LNP1: variants seen among roughly 807,000 people sequenced by gnomAD.
LNP1 encodes leukemia NUP98 fusion partner 1.
In LNP1, 12 loss-of-function variants were observed where a neutral mutation model predicts 14.5. That is an observed-to-expected ratio of 0.83 (90% CI 0.53 to 1.34). The LOEUF is 1.34. LNP1 is among the 40% of genes most tolerant of loss of function. LNP1 has a pLI of 0.00. For synonymous variants in LNP1, 75 were observed against 71.4 expected (o/e 1.05, Z -0.26); for missense variants, 198 against 210.9 (o/e 0.94, Z 0.38).
At chr3:100,450,744 C>CAAAA (rs764798869) in intron 2 of LNP1, among the ~76,000 whole-genome samples, 2 of 152,048 alleles carry the variant, frequency 1.3e-5, no homozygotes, top group African/African-American at 4.8e-5. Flanking sequence ...AGCAGGAAAA[C>CAAAA]AAAACAAAAC....
intron 2 of LNP1, among the ~76,000 whole-genome samples, chr3:100,435,472 C>CA (rs1247732943): frequency 2.0e-5 from 3 of 152,172 alleles, no homozygotes; most frequent in African/African-American, 4.8e-5. Context: ...GTGCTTTGAA[C>CA]AGTGCCTGGT....
At chr3:100,414,149 C>T (rs183655518) in intron 1 of LNP1, among the ~76,000 whole-genome samples, 9 of 152,124 alleles carry the variant, frequency 5.9e-5, no homozygotes, top group Non-Finnish European at 1.3e-4. Flanking sequence ...TTTTGTTGCT[C>T]AGGAATTTGG....
Position 100,446,715 on chromosome 3 carries a change from A to C in LNP1, c.157-5004A>C, listed in dbSNP as rs180721829. ...TAATCTACCCATCTGACAAAGGGCT[A>C]ATACCCAGAATCTACAAGGAACTTA... On this transcript the variant is annotated intron_variant, in intron 2 of 3. Coordinates refer to ENST00000383693, the MANE Select transcript of LNP1 (RefSeq NM_001085451.2). Among the ~76,000 whole-genome samples the C allele has an allele frequency of 1.8e-4, 28 of 152,318 alleles. No individual in the cohort carries two copies. The South Asian group carries it at 1.9e-3, about 10-fold the overall frequency.
chr3:100,421,045 C>T (rs1707139799), intron 1 of LNP1, among the ~76,000 whole-genome samples: 1 of 151,854 alleles, frequency 6.6e-6, no homozygotes. Flanking sequence ...GTGGGATAGT[C>T]ACGGCTCACT....
At chr3:100,418,220 C>T (rs376180146) in intron 1 of LNP1, among the ~76,000 whole-genome samples, 1,809 of 151,252 alleles carry the variant, frequency 0.012, 36 homozygotes, top group African/African-American at 0.042. Flanking sequence ...CCACCACACC[C>T]GGCTAATTTT....
At chr3:100,451,275 T>A (rs1707435611) in intron 2 of LNP1, among the ~76,000 whole-genome samples, 1 of 152,194 alleles carries the variant, frequency 6.6e-6, no homozygotes, top group Non-Finnish European at 1.5e-5. Flanking sequence ...TAGGGAGACA[T>A]GAGACGTCAG....
chr3:100,409,607 T>TATATATA (rs199660524), intron 1 of LNP1, among the ~76,000 whole-genome samples: 4 of 49,802 alleles, frequency 8.0e-5, no homozygotes, highest in African/African-American at 2.7e-4. Flanking sequence ...TATATATATA[T>TATATATA]TTTTTTTTTT....
chr3:100,439,278 A>T (rs1238260373), intron 2 of LNP1, among the ~76,000 whole-genome samples: 1 of 137,908 alleles, frequency 7.3e-6, no homozygotes, highest in African/African-American at 2.9e-5. Flanking sequence ...GAAAAATACT[A>T]AAAAAAAAAA....
At chr3:100,440,924 T>C (rs549872835) in intron 2 of LNP1, among the ~76,000 whole-genome samples, 95 of 152,310 alleles carry the variant, frequency 6.2e-4, no homozygotes, top group African/African-American at 2.0e-3. Context: ...TTCCTGTGAC[T>C]GAAGGATGAT....
chr3:100,410,701 T>C lies in LNP1; in HGVS notation c.-34+8262T>C, dbSNP rs527361375. Among the ~76,000 whole-genome samples the C allele has an allele frequency of 5.9e-5, 9 of 152,278 alleles. No homozygotes were observed. The South Asian group carries it at 1.9e-3, about 32-fold the overall frequency. ...TTTTACCAGCAGAAACACTGCTGGC[T>C]GAGACTAAGGAAACAGAAAAAATGA... On this transcript the variant is annotated intron_variant, in intron 1 of 3. Transcript: ENST00000383693.
At chr3:100,443,857 C>G (rs1707365389) in intron 2 of LNP1, among the ~76,000 whole-genome samples, 1 of 152,144 alleles carries the variant, frequency 6.6e-6, no homozygotes. Flanking sequence ...TTTCCAAATT[C>G]TGGAGAAATC....
In LNP1 at chr3:100,455,900, C is replaced by A. The variant is rs367890829; in HGVS notation, c.511C>A (p.Pro171Thr). 50 of 1,611,646 alleles carry A rather than the reference C, an allele frequency of 3.1e-5. No individual in the cohort carries two copies. In the East Asian group the frequency reaches 1.0e-3, roughly 34 times the overall value. Residue 171 changes from proline to threonine, a missense_variant, in exon 4 of 4, where the codon CCC (proline) becomes ACC (threonine). Transcript: ENST00000383693. ...AGAGCATGGAGAAGCACACATGGCT[C>A]CCCTGTTTGAAAAAGGGCCTGAATA... ...KEEHGEAHMA[P>T]LFEKGPE
chr3:100,445,372 T>C (rs1402029331), intron 2 of LNP1, among the ~76,000 whole-genome samples: 1 of 152,050 alleles, frequency 6.6e-6, no homozygotes, highest in Non-Finnish European at 1.5e-5. Flanking sequence ...CCTTGAGGAG[T>C]TGAATAGCTT....
At chr3:100,421,065 A>G (rs1276686982) in intron 1 of LNP1, among the ~76,000 whole-genome samples, 4 of 152,026 alleles carry the variant, frequency 2.6e-5, no homozygotes, top group Non-Finnish European at 5.9e-5. Flanking sequence ...TGGAGCCTCA[A>G]TCTCCTGAGC....
At chr3:100,442,576 T>C (rs554298496) in intron 2 of LNP1, among the ~76,000 whole-genome samples, 1 of 152,060 alleles carries the variant, frequency 6.6e-6, no homozygotes, top group African/African-American at 2.4e-5. Context: ...AAGAGACAAA[T>C]GGTTGCATTC....
chr3:100,407,123 G>A (rs1362300099), intron 1 of LNP1, among the ~76,000 whole-genome samples: 1 of 152,110 alleles, frequency 6.6e-6, no homozygotes, highest in African/African-American at 2.4e-5. Context: ...GTATTTAAAT[G>A]CTACCATTAC....
At chr3:100,424,799 G>A (rs1219712175) in intron 1 of LNP1, among the ~76,000 whole-genome samples, 1 of 152,178 alleles carries the variant, frequency 6.6e-6, no homozygotes, top group Non-Finnish European at 1.5e-5. Context: ...ACCATTTTCT[G>A]TGTAGCTGAT....
chr3:100,432,314 G>A (rs968471191), intron 2 of LNP1, among the ~76,000 whole-genome samples: 13 of 151,672 alleles, frequency 8.6e-5, no homozygotes, highest in South Asian at 4.2e-4. Context: ...CTTGAATGTA[G>A]TTTCTAATAC....
intron 2 of LNP1, among the ~76,000 whole-genome samples, chr3:100,451,401 T>A (rs1178631409): frequency 6.6e-6 from 1 of 152,146 alleles, no homozygotes; most frequent in African/African-American, 2.4e-5. Context: ...AGACAAATGG[T>A]TGCATTCTTT....
Sources: allele counts gnomAD v4.1 joint callset (sites outside exome capture counted in the v4.1 genomes callset), GRCh38; gene constraint gnomAD v4.1.1; transcripts MANE v1.5; gene names NCBI Gene and HGNC (gene_info 2026-07-23, HGNC 2026-07-21).